The following NRG3 variants were observed in gnomAD, a reference collection of about 807,000 sequenced individuals.
NRG3 encodes neuregulin 3.
Under a neutral mutation model 66.9 loss-of-function variants are expected in NRG3, and 31 were observed. The observed-to-expected ratio is 0.46, with a 90% CI of 0.35 to 0.63. The LOEUF is 0.63. Ranked by LOEUF, NRG3 falls within the 20% of genes least tolerant of loss-of-function variation. The pLI, the probability that NRG3 is intolerant of heterozygous loss-of-function variation, is 0.00. For synonymous variants in NRG3, 393 were observed against 359.4 expected (o/e 1.09, Z -1.06); for missense variants, 910 against 878.9 (o/e 1.04, Z -0.45).
chr10:82,783,702 A>T (rs940379125), intron 3 of NRG3, among the ~76,000 whole-genome samples: 1 of 152,306 alleles, frequency 6.6e-6, no homozygotes, highest in Non-Finnish European at 1.5e-5. Flanking sequence ...TCAATGAAGT[A>T]AAAGAGGATA....
intron 4 of NRG3, among the ~76,000 whole-genome samples, chr10:82,911,465 G>A (rs1486656030): frequency 6.6e-6 from 1 of 151,646 alleles, no homozygotes; most frequent in African/African-American, 2.4e-5. Flanking sequence ...TCTACTTCTG[G>A]TTTTTGTAGA....
chr10:82,102,553 T>C (rs1165922041), intron 1 of NRG3, among the ~76,000 whole-genome samples: 1 of 151,690 alleles, frequency 6.6e-6, no homozygotes, highest in South Asian at 2.1e-4. Context: ...TCCTGCTTTT[T>C]GGGGGCATTA....
intron 1 of NRG3, among the ~76,000 whole-genome samples, chr10:82,304,602 C>G (rs1179294054): frequency 6.6e-6 from 1 of 152,074 alleles, no homozygotes; most frequent in African/African-American, 2.4e-5. Flanking sequence ...TGAGGTTATG[C>G]TATTCCTAGC....
intron 2 of NRG3, among the ~76,000 whole-genome samples, chr10:82,367,606 A>AGT (rs2084625728): frequency 2.0e-5 from 3 of 152,166 alleles, no homozygotes; most frequent in Admixed American, 1.3e-4. Context: ...AGACTCTTTA[A>AGT]AAAGTGTTGT....
At chr10:82,630,438 G>A (rs2049743871) in intron 2 of NRG3, among the ~76,000 whole-genome samples, 1 of 148,550 alleles carries the variant, frequency 6.7e-6, no homozygotes, top group African/African-American at 2.5e-5. Context: ...AAGAAGATAA[G>A]TCAGTTCTAG....
intron 2 of NRG3, among the ~76,000 whole-genome samples, chr10:82,594,604 A>G (rs551605274): frequency 1.3e-5 from 2 of 152,350 alleles, no homozygotes; most frequent in Admixed American, 1.3e-4. Context: ...AATAGGTAAT[A>G]CTACCATTAT....
At chr10:81,993,418 C>T (rs1289911675) in intron 1 of NRG3, among the ~76,000 whole-genome samples, 3 of 152,138 alleles carry the variant, frequency 2.0e-5, no homozygotes, top group Admixed American at 6.6e-5. Flanking sequence ...GTGATCATAG[C>T]TCACTGTAAC....
intron 2 of NRG3, among the ~76,000 whole-genome samples, chr10:82,384,908 A>C (rs1030429933): frequency 2.0e-5 from 3 of 152,170 alleles, no homozygotes; most frequent in African/African-American, 7.2e-5. Context: ...GTGTAAAAAC[A>C]TTAATTTTTC....
intron 2 of NRG3, among the ~76,000 whole-genome samples, chr10:82,432,441 G>A (rs1289022225): frequency 6.6e-6 from 1 of 150,526 alleles, no homozygotes; most frequent in African/African-American, 2.5e-5. Context: ...ATTTTTAATG[G>A]CAGCATAGTA....
chr10:82,717,161 G>A (rs186949289), intron 2 of NRG3, among the ~76,000 whole-genome samples: 77 of 152,220 alleles, frequency 5.1e-4, no homozygotes, highest in African/African-American at 1.8e-3. Flanking sequence ...AAAGATGTAG[G>A]TGCATTGAAA....
intron 1 of NRG3, among the ~76,000 whole-genome samples, chr10:82,127,484 G>A (rs1219863324): frequency 6.6e-6 from 1 of 151,888 alleles, no homozygotes; most frequent in Non-Finnish European, 1.5e-5. Flanking sequence ...TTGAGAAGTT[G>A]GTTCTCTCTC....
rs542722352 is a variant in NRG3, at chr10:81,999,243, G to A, written c.823+123080G>A. ...TTTATTTTTTAAAACATGTTCTTAC[G>A]AGACCTCAAGGCTCAACTGACACTT... On this transcript the variant is annotated intron_variant, in intron 1 of 8. Transcript: ENST00000372141. 8.5e-5 allele frequency among the ~76,000 whole-genome samples: 13 copies of A among 152,202 alleles called. No individual in the cohort carries two copies. In the South Asian group the frequency reaches 2.5e-3, roughly 29 times the overall value.
chr10:82,903,548 G>A (rs1844440718), intron 4 of NRG3, among the ~76,000 whole-genome samples: 1 of 152,100 alleles, frequency 6.6e-6, no homozygotes, highest in South Asian at 2.1e-4. Context: ...AGCTGCGGGT[G>A]CCTGCCATTT....
At chr10:82,918,427 T>A (rs113866204) in intron 4 of NRG3, among the ~76,000 whole-genome samples, 22 of 152,310 alleles carry the variant, frequency 1.4e-4, no homozygotes, top group African/African-American at 5.1e-4. Flanking sequence ...AAGGTTATTT[T>A]GAAGGTTAAA....
chr10:82,116,185 A>C (rs2067702924), intron 1 of NRG3, among the ~76,000 whole-genome samples: 1 of 152,128 alleles, frequency 6.6e-6, no homozygotes, highest in Non-Finnish European at 1.5e-5. Context: ...TTTAGTAGTT[A>C]GATCCAGGTG....
chr10:82,135,235 A>C (rs2069247442), intron 1 of NRG3, among the ~76,000 whole-genome samples: 1 of 148,250 alleles, frequency 6.7e-6, no homozygotes, highest in Non-Finnish European at 1.5e-5. Context: ...ATTGTATGTT[A>C]TTTCTTTCTT....
intron 3 of NRG3, among the ~76,000 whole-genome samples, chr10:82,789,774 A>T (rs2060509588): frequency 6.6e-6 from 1 of 151,656 alleles, no homozygotes; most frequent in Non-Finnish European, 1.5e-5. Context: ...CTTCTATCAC[A>T]GCCTTCCTTA....
At chr10:82,863,253 T>A (rs992572443) in intron 3 of NRG3, among the ~76,000 whole-genome samples, 5 of 152,208 alleles carry the variant, frequency 3.3e-5, no homozygotes, top group African/African-American at 1.2e-4. Flanking sequence ...CTTTATCCAG[T>A]CTATCATTGA....
intron 1 of NRG3, among the ~76,000 whole-genome samples, chr10:81,941,688 A>G (rs1476090132): frequency 6.6e-6 from 1 of 152,134 alleles, no homozygotes; most frequent in Non-Finnish European, 1.5e-5. Flanking sequence ...TTTTCCTAGC[A>G]GTATGTCCAG....
Sources: gnomAD v4.1 joint callset for allele counts (sites outside exome capture counted in the v4.1 genomes callset) on GRCh38, gnomAD v4.1.1 for gene constraint, MANE v1.5 for transcripts, NCBI Gene and HGNC (gene_info 2026-07-23, HGNC 2026-07-21) for gene names.